SWSAP1: variants seen among roughly 807,000 people sequenced by gnomAD.
SWSAP1 encodes the protein SWIM-type zinc finger 7 associated protein 1.
SWSAP1 carries 4 observed loss-of-function variants against 5.6 expected under a neutral mutation model. That is an observed-to-expected ratio of 0.72 (90% confidence interval 0.35 to 1.64). SWSAP1 has a LOEUF of 1.64. Ranked by LOEUF, SWSAP1 falls within the 40% of genes most tolerant of loss-of-function variation. The probability of loss-of-function intolerance (pLI) is 0.05; values close to 1 mark genes in which losing one functional copy is unlikely to be tolerated. For missense variants in SWSAP1, 354 were observed against 319.8 expected, an observed-to-expected ratio of 1.11 and a Z score of -0.82; for synonymous variants, 139 against 143.3, an observed-to-expected ratio of 0.97 and a Z score of 0.22.
rs1438207139 is a variant in SWSAP1, at chr19:11,376,064, A to T, written c.*48A>T. The T allele has an allele frequency of 6.7e-7, 1 of 1,488,282 alleles. No homozygotes were observed. Among genetic ancestry groups the T allele is most frequent in the South Asian group, 1.3e-5 (1 of 77,224 alleles). The allele number at this position is 1,488,282 out of a possible 1,614,324, so 92.2% of individuals were successfully genotyped here. On this transcript the variant is annotated 3_prime_UTR_variant, in exon 2 of 2. Transcript: ENST00000674460. ...CTGTGCTTCAGTTTCCCATGGCTGG[A>T]ATACTTACCTCAGGGACATATGCAG...
chr19:11,375,501 TTC>T lies in SWSAP1; in HGVS notation c.250-9_250-8del. ...GCTGAATCCGGCCCTTTCCTTCTGT[TTC>T]TCCTTCTAGAAGATCCGCTTCCAGT... is the stretch of plus-strand genomic sequence containing the variant. On this transcript the variant is annotated splice_polypyrimidine_tract_variant and intron_variant, in intron 1 of 1. Coordinates refer to ENST00000674460, the MANE Select transcript of SWSAP1 (RefSeq NM_175871.4). The T allele has an allele frequency of 6.3e-7, 1 of 1,593,496 alleles. No individual in the cohort carries two copies. The highest frequency in any genetic ancestry group is 1.3e-5 in the African/African-American group (1 of 74,074).
rs760689713 is a variant in SWSAP1 at position 11,374,703 on chromosome 19, T to C, written c.23T>C (p.Val8Ala). 5.8e-6 allele frequency: 9 copies of C among 1,552,196 alleles called. No homozygotes were observed. In the East Asian group the frequency reaches 2.1e-4, roughly 36 times the overall value. The change falls in exon 1 of 2, where the codon GTG becomes GCG. Residue 8 changes from valine to alanine, a missense_variant. By Grantham distance (64) the Val-to-Ala change is moderately conservative. Transcript: ENST00000674460. The part of the protein sequence containing the change: MAETLRR[V>A]LTRGGAAWSG... ...CGAATGGCGGAGACGCTGAGGCGGG[T>C]GCTAACCAGGGGCGGTGCGGCCTGG...
At position 11,375,905 on chromosome 19, in the gene SWSAP1, A is replaced by C. The variant is rs1411739576; in HGVS notation, c.642A>C (p.Thr214=). 6.2e-7 allele frequency: 1 copy of C among 1,614,060 alleles called. No individual in the cohort carries two copies. The highest frequency in any genetic ancestry group is 1.7e-5 in the Admixed American group (1 of 60,020). The change falls in exon 2 of 2, where the codon ACA becomes ACC. Residue 214 remains threonine (T), a synonymous_variant. Coordinates refer to ENST00000674460, the MANE Select transcript of SWSAP1 (RefSeq NM_175871.4). Reference sequence around the variant, plus strand: ...AGCCAGGCGGGCTGGGCCCCAGAACAGAGTGGTGGGTGACTTTCCGATCAG... The same window carrying C: ...AGCCAGGCGGGCTGGGCCCCAGAACCGAGTGGTGGGTGACTTTCCGATCAG... ...CLEPGGLGPR[T]EWWVTFRSDG...
chr19:11,375,082 T>C, intron 1 of SWSAP1, 153 bp downstream of exon 1: 1 of 944,946 alleles, frequency 1.1e-6, no homozygotes, highest in Non-Finnish European at 1.6e-6. Context: ...GAGTGAGGAG[T>C]GGCACCACGC....
chr19:11,374,687 G>A lies in SWSAP1; in HGVS notation c.7G>A (p.Glu3Lys). The change falls in exon 1 of 2, where the codon GAG becomes AAG. Residue 3 changes from glutamate (E) to lysine (K), a missense_variant. Glu to Lys is a moderately conservative substitution (Grantham distance 56). Transcript: ENST00000674460. The stretch of plus-strand genomic sequence containing the variant: ...GGTCAGAGCTACGCGGCGAATGGCG[G>A]AGACGCTGAGGCGGGTGCTAACCAG... The part of the protein sequence containing the change: MA[E>K]TLRRVLTRGG... The A allele has an allele frequency of 7.8e-6, 12 of 1,535,180 alleles. No individual in the cohort carries two copies. Among genetic ancestry groups the A allele is most frequent in the Non-Finnish European group, 1.0e-5 (12 of 1,143,744 alleles).
Position 11,374,673 on chromosome 19 carries a change from C to A in SWSAP1, c.-8C>A, listed in dbSNP as rs1458045298. The A allele has an allele frequency of 1.1e-5, 16 of 1,505,736 alleles. No homozygotes were observed. The highest frequency in any genetic ancestry group is 1.4e-5 in the African/African-American group (1 of 71,758). 93.3% of individuals were successfully genotyped at this position (1,505,736 alleles called of 1,614,324 possible). A position where few individuals can be genotyped will look rare whatever the true frequency, so the allele number is the denominator to read the frequency against. On this transcript the variant is annotated 5_prime_UTR_variant, in exon 1 of 2. Transcript: ENST00000674460. Reference sequence around the variant, plus strand: ...ACGAGCCACCGATTGGTCAGAGCTACGCGGCGAATGGCGGAGACGCTGAGG... The same window carrying A: ...ACGAGCCACCGATTGGTCAGAGCTAAGCGGCGAATGGCGGAGACGCTGAGG...
chr19:11,375,205 C>T (rs566552199), intron 1 of SWSAP1, among the ~76,000 whole-genome samples: 46 of 152,168 alleles, frequency 3.0e-4, no homozygotes, highest in African/African-American at 1.0e-3. Flanking sequence ...AAGCTTGGGT[C>T]CATTCTGGAC....
chr19:11,376,166 T>A lies in SWSAP1; in HGVS notation c.*150T>A. On this transcript the variant is annotated 3_prime_UTR_variant, in exon 2 of 2. Coordinates refer to ENST00000674460, the MANE Select transcript of SWSAP1 (RefSeq NM_175871.4). ...ATTATCTTGTATATATTTTACCCAA[T>A]CAATATGTTGTTTATAGTTTCATTG... 1.3e-6 allele frequency: 1 copy of A among 766,858 alleles called. No individual in the cohort carries two copies. Among genetic ancestry groups the A allele is most frequent in the Non-Finnish European group, 2.0e-6 (1 of 496,684 alleles). 47.5% of individuals were successfully genotyped at this position (766,858 alleles called of 1,614,324 possible). A position where few individuals can be genotyped will look rare whatever the true frequency, so the allele number is the denominator to read the frequency against.
Position 11,375,802 on chromosome 19 carries a change from A to G in SWSAP1, c.539A>G (p.Gln180Arg), listed in dbSNP as rs776902629. The change falls in exon 2 of 2, where the codon CAG (glutamine) becomes CGG (arginine). Residue 180 changes from glutamine to arginine, a missense_variant. Transcript: ENST00000674460. ...GACGTCCTGCACCTGGCACTGCTCC[A>G]GCGGTATTTTCCTGCCCAGTGCTGG... ...SGDVLHLALL[Q>R]RYFPAQCWLQ... 9 of 1,614,186 alleles carry G rather than the reference A, an allele frequency of 5.6e-6. No homozygotes were observed. The South Asian group carries it at 9.9e-5, about 18-fold the overall frequency.
chr19:11,375,594 C>A lies in SWSAP1; in HGVS notation c.331C>A (p.Pro111Thr). 6.2e-7 allele frequency: 1 copy of A among 1,614,212 alleles called. No homozygotes were observed. ...TGCCCATGAGGCCCCGGGGCCAGCC[C>A]CCTCCCTTCTGCTGCTCGACGGCCT... ...CSAHEAPGPAPSLLLLDGLEE... is the reference protein window; with the variant it reads ...CSAHEAPGPATSLLLLDGLEE... The change falls in exon 2 of 2, where the codon CCC (proline) becomes ACC (threonine). Residue 111 changes from proline to threonine, a missense_variant. Physicochemically the swap from Pro to Thr is conservative, Grantham distance 38. Coordinates refer to ENST00000674460, the MANE Select transcript of SWSAP1 (RefSeq NM_175871.4).
rs372274006 is a variant in SWSAP1 at position 11,374,857 on chromosome 19, C to T, written c.177C>T (p.Leu59=). ...CGGGGGAGGGCCAAGGCCCAGTCCT[C>T]TTCCTGACACGAAGGCCTCTTCAAA... ...EAAGEGQGPV[L]FLTRRPLQSM... Residue 59 remains leucine (L), a synonymous_variant, in exon 1 of 2, where the codon CTC becomes CTT. Coordinates refer to ENST00000674460, the MANE Select transcript of SWSAP1 (RefSeq NM_175871.4). The T allele has an allele frequency of 6.8e-6, 11 of 1,613,896 alleles. No individual in the cohort carries two copies. In the African/African-American group the frequency reaches 9.3e-5, roughly 14 times the overall value.
Position 11,375,614 on chromosome 19 carries a change from C to T in SWSAP1, c.351C>T (p.Asp117=). The T allele has an allele frequency of 1.2e-6, 2 of 1,614,178 alleles. No individual in the cohort carries two copies. Among genetic ancestry groups the T allele is most frequent in the South Asian group, 1.1e-5 (1 of 91,088 alleles). Residue 117 remains aspartate (D), a synonymous_variant, in exon 2 of 2, where the codon GAC becomes GAT. Coordinates refer to ENST00000674460, the MANE Select transcript of SWSAP1 (RefSeq NM_175871.4). ...PGPAPSLLLL[D]GLEEYLAEDP... ...CAGCCCCCTCCCTTCTGCTGCTCGACGGCCTAGAAGAGTACCTAGCGGAAG... is the reference window on the plus strand; with the variant it reads ...CAGCCCCCTCCCTTCTGCTGCTCGATGGCCTAGAAGAGTACCTAGCGGAAG...
At position 11,374,713 on chromosome 19, in the gene SWSAP1, G is replaced by A; in HGVS notation, c.33G>A (p.Arg11=). The part of the protein sequence containing the change: MAETLRRVLT[R]GGAAWSGEEN... ...AGACGCTGAGGCGGGTGCTAACCAG[G>A]GGCGGTGCGGCCTGGTCCGGGGAGG... Residue 11 remains arginine (R), a synonymous_variant, in exon 1 of 2, where the codon AGG becomes AGA. Coordinates refer to ENST00000674460, the MANE Select transcript of SWSAP1 (RefSeq NM_175871.4). 1 of 1,583,740 alleles carries A rather than the reference G, an allele frequency of 6.3e-7. No homozygotes were observed. Among genetic ancestry groups the A allele is most frequent in the Non-Finnish European group, 8.6e-7 (1 of 1,165,724 alleles).
chr19:11,375,965 G>A lies in SWSAP1; in HGVS notation c.702G>A (p.Gln234=). 1 of 1,612,560 alleles carries A rather than the reference G, an allele frequency of 6.2e-7. No homozygotes were observed. The highest frequency in any genetic ancestry group is 8.5e-7 in the Non-Finnish European group (1 of 1,179,616). The change falls in exon 2 of 2, where the codon CAG becomes CAA. Residue 234 remains glutamine, a synonymous_variant. Transcript: ENST00000674460. The stretch of plus-strand genomic sequence containing the variant: ...TGATGATCGCTCCGTGGCCCACCCA[G>A]GCTGGTGACCCCAGCTCAGGCAAGG... ...GEMMIAPWPT[Q]AGDPSSGKGS...
chr19:11,374,832 C>T lies in SWSAP1; in HGVS notation c.152C>T (p.Ala51Val). ...CTATTTGCTGCGGCCCTAGAGGCGG[C>T]GGGGGAGGGCCAAGGCCCAGTCCTC... ...ALLFAAALEAAGEGQGPVLFL... is the reference protein window; with the variant it reads ...ALLFAAALEAVGEGQGPVLFL... The change falls in exon 1 of 2, where the codon GCG becomes GTG. Residue 51 changes from alanine (A) to valine (V), a missense_variant. Coordinates refer to ENST00000674460, the MANE Select transcript of SWSAP1 (RefSeq NM_175871.4). The T allele has an allele frequency of 6.4e-7, 1 of 1,573,818 alleles. No homozygotes were observed. The highest frequency in any genetic ancestry group is 8.6e-7 in the Non-Finnish European group (1 of 1,157,132).
rs201591517 is a variant in SWSAP1, at chr19:11,374,762, C to T, written c.82C>T (p.Pro28Ser). 1,315 of 1,611,988 alleles carry T rather than the reference C, an allele frequency of 8.2e-4. 22 individuals carry two copies. The Admixed American group carries it at 0.015, about 19-fold the overall frequency. The change falls in exon 1 of 2, where the codon CCT becomes TCT. Residue 28 changes from proline (P) to serine (S), a missense_variant. Transcript: ENST00000674460. The stretch of plus-strand genomic sequence containing the variant: ...GGAGAACATGCCTGCCGCCGGACCG[C>T]CTTTGCTGCTGCTCGGTACACCAGG... ...GEENMPAAGP[P>S]LLLLGTPGSG...
In SWSAP1 at chr19:11,375,765, G is replaced by A; in HGVS notation, c.502G>A (p.Ala168Thr). The A allele has an allele frequency of 2.5e-6, 4 of 1,614,194 alleles. No homozygotes were observed. The highest frequency in any genetic ancestry group is 3.4e-6 in the Non-Finnish European group (4 of 1,180,046). ...GGTGGCCCTCCAGACCCAGGAGGAA[G>A]CAGGTAGTGGGGACGTCCTGCACCT... is the stretch of plus-strand genomic sequence containing the variant. Reference protein sequence around the residue: ...LMVALQTQEEAGSGDVLHLAL... With the variant: ...LMVALQTQEETGSGDVLHLAL... Residue 168 changes from alanine (A) to threonine (T), a missense_variant, in exon 2 of 2, where the codon GCA (alanine) becomes ACA (threonine). By Grantham distance (58) the Ala-to-Thr change is moderately conservative. Transcript: ENST00000674460.
Position 11,374,744 on chromosome 19 carries a change from A to C in SWSAP1, c.64A>C (p.Met22Leu). The C allele has an allele frequency of 6.2e-7, 1 of 1,609,250 alleles. No individual in the cohort carries two copies. Among genetic ancestry groups the C allele is most frequent in the Non-Finnish European group, 8.5e-7 (1 of 1,178,754 alleles). Residue 22 changes from methionine (M) to leucine (L), a missense_variant, in exon 1 of 2, where the codon ATG becomes CTG. Physicochemically the swap from Met to Leu is conservative, Grantham distance 15. Coordinates refer to ENST00000674460, the MANE Select transcript of SWSAP1 (RefSeq NM_175871.4). ...TGCGGCCTGGTCCGGGGAGGAGAAC[A>C]TGCCTGCCGCCGGACCGCCTTTGCT... ...GGAAWSGEEN[M>L]PAAGPPLLLL...
intron 1 of SWSAP1, 119 bp downstream of exon 1, chr19:11,375,048 C>G: frequency 7.5e-7 from 1 of 1,326,498 alleles, no homozygotes; most frequent in Non-Finnish European, 1.0e-6. Context: ...AGGGCAGCCA[C>G]GATGGGGCGG....
Sources: allele counts gnomAD v4.1 joint callset (sites outside exome capture counted in the v4.1 genomes callset), GRCh38; gene constraint gnomAD v4.1.1; transcripts MANE v1.5; gene names NCBI Gene and HGNC (gene_info 2026-07-23, HGNC 2026-07-21).